Variants in DTNA observed in about 807,000 individuals in gnomAD.
The protein encoded by DTNA is dystrobrevin alpha.
DTNA carries 43 observed loss-of-function variants against 100.7 expected under a neutral mutation model. The ratio of observed to expected loss-of-function variants is 0.43; its 90% CI spans 0.33 to 0.55. DTNA has a LOEUF of 0.55. Ranked by LOEUF, DTNA falls within the 20% of genes least tolerant of loss-of-function variation. The probability of loss-of-function intolerance (pLI) is 0.04; values close to 1 mark genes in which losing one functional copy is unlikely to be tolerated. For missense variants in DTNA, 798 were observed against 953.9 expected (o/e 0.84, Z 2.15); for synonymous variants, 349 against 347.9 (o/e 1.00, Z -0.04).
chr18:34,748,638 G>A (rs1216901177), intron 1 of DTNA, among the ~76,000 whole-genome samples: 1 of 152,098 alleles, frequency 6.6e-6, no homozygotes, highest in East Asian at 1.9e-4. Context: ...TCATTTCTGA[G>A]TTCTCTATTC....
At chr18:34,839,991 T>C (rs1325064695) in intron 13 of DTNA, among the ~76,000 whole-genome samples, 4 of 152,166 alleles carry the variant, frequency 2.6e-5, no homozygotes, top group African/African-American at 9.7e-5. Context: ...ACCTCTTTCC[T>C]CCTCACTTGA....
intron 1 of DTNA, among the ~76,000 whole-genome samples, chr18:34,665,300 T>A (rs1361770881): frequency 6.6e-6 from 1 of 152,156 alleles, no homozygotes; most frequent in Non-Finnish European, 1.5e-5. Flanking sequence ...AAGAATCTGA[T>A]TTTCATGCTA....
chr18:34,571,873 G>A (rs577701432), intron 1 of DTNA, among the ~76,000 whole-genome samples: 15 of 152,196 alleles, frequency 9.9e-5, no homozygotes, highest in African/African-American at 3.4e-4. Flanking sequence ...AAATTGAATA[G>A]GTATCAAGAA....
At chr18:34,805,143 G>C (rs555473805) in intron 4 of DTNA, among the ~76,000 whole-genome samples, 129 of 152,268 alleles carry the variant, frequency 8.5e-4, no homozygotes, top group African/African-American at 3.0e-3. Flanking sequence ...TACAGTTTCT[G>C]ATTCCAAAGT....
chr18:34,778,458 A>G (rs552943435), intron 3 of DTNA, among the ~76,000 whole-genome samples: 3 of 152,216 alleles, frequency 2.0e-5, no homozygotes, highest in African/African-American at 2.4e-5. Context: ...TAAAATGTAC[A>G]TAACATTTTA....
chr18:34,510,171 G>A (rs185515516), intron 1 of DTNA, among the ~76,000 whole-genome samples: 120 of 150,820 alleles, frequency 8.0e-4, no homozygotes, highest in African/African-American at 2.6e-3. Flanking sequence ...AGATATCAGC[G>A]TTTCACTTCT....
Position 34,890,121 on chromosome 18 carries a change from T to C in DTNA, c.*2387T>C, listed in dbSNP as rs1208547573. The stretch of plus-strand genomic sequence containing the variant: ...GTTTCTTTGTGTTTCTACATCAAAA[T>C]GTTCGTCTAAGATTTGAACTGTTCT... On this transcript the variant is annotated 3_prime_UTR_variant, in exon 23 of 23. Coordinates refer to ENST00000444659, the MANE Select transcript of DTNA (RefSeq NM_001386795.1). 1 of 1,403,550 alleles carries C rather than the reference T, an allele frequency of 7.1e-7. No homozygotes were observed. Among genetic ancestry groups the C allele is most frequent in the East Asian group, 2.5e-5 (1 of 39,266 alleles). The allele number at this position is 1,403,550 out of a possible 1,614,324, so 86.9% of individuals were successfully genotyped here. A position where few individuals can be genotyped will look rare whatever the true frequency, so the allele number is the denominator to read the frequency against.
At chr18:34,619,633 A>G (rs2056056746) in intron 1 of DTNA, among the ~76,000 whole-genome samples, 1 of 152,130 alleles carries the variant, frequency 6.6e-6, no homozygotes, top group South Asian at 2.1e-4. Context: ...ATGGATGGTA[A>G]TGTCATCCAC....
intron 3 of DTNA, among the ~76,000 whole-genome samples, chr18:34,772,282 C>G (rs561877644): frequency 6.0e-4 from 91 of 152,210 alleles, no homozygotes; most frequent in South Asian, 1.9e-3. Context: ...TACTCTTTTT[C>G]TAGTAATTGA....
At chr18:34,781,447 T>A (rs2094317085) in intron 3 of DTNA, among the ~76,000 whole-genome samples, 1 of 152,218 alleles carries the variant, frequency 6.6e-6, no homozygotes, top group Admixed American at 6.5e-5. Context: ...TTATTAACTT[T>A]AGTCACCATG....
At position 34,646,214 on chromosome 18, in the gene DTNA, G is replaced by A. The variant is rs569484904; in HGVS notation, c.-1-109762G>A. Among the ~76,000 whole-genome samples the A allele has an allele frequency of 6.6e-5, 10 of 152,144 alleles. No homozygotes were observed. In the South Asian group the frequency reaches 2.1e-3, roughly 32 times the overall value. ...CTCATTAGATGATGAAAATCACAGTGAAAAACTGGACACATTACTTAAATT... is the reference window on the plus strand; with the variant it reads ...CTCATTAGATGATGAAAATCACAGTAAAAAACTGGACACATTACTTAAATT... On this transcript the variant is annotated intron_variant, in intron 1 of 19. Coordinates refer to the DTNA transcript ENST00000283365.
intron 1 of DTNA, among the ~76,000 whole-genome samples, chr18:34,696,520 G>A (rs1391979364): frequency 7.2e-5 from 11 of 152,218 alleles, no homozygotes; most frequent in Non-Finnish European, 1.5e-4. Flanking sequence ...GGAGGTTGCA[G>A]TGAGCCAAGA....
At chr18:34,797,816 A>G (rs2095046079) in intron 4 of DTNA, among the ~76,000 whole-genome samples, 1 of 152,104 alleles carries the variant, frequency 6.6e-6, no homozygotes, top group South Asian at 2.1e-4. Flanking sequence ...CTTGCACCTG[A>G]TTCTGCTATT....
At chr18:34,718,997 T>C (rs775009813) in intron 1 of DTNA, among the ~76,000 whole-genome samples, 1 of 152,140 alleles carries the variant, frequency 6.6e-6, no homozygotes, top group Non-Finnish European at 1.5e-5. Context: ...CCCTTTTTTT[T>C]TGGAGAACAG....
At chr18:34,540,914 G>A (rs1251937377) in intron 1 of DTNA, among the ~76,000 whole-genome samples, 1 of 151,986 alleles carries the variant, frequency 6.6e-6, no homozygotes, top group Non-Finnish European at 1.5e-5. Context: ...GTTCCTTGAA[G>A]GTAGGGTTTT....
At chr18:34,523,363 C>A (rs945049316) in intron 1 of DTNA, among the ~76,000 whole-genome samples, 38 of 152,114 alleles carry the variant, frequency 2.5e-4, no homozygotes, top group Middle Eastern at 3.2e-3. Flanking sequence ...GTAGCACAGG[C>A]AAAAACATTT....
At chr18:34,761,793 T>A (rs1324024020) in intron 2 of DTNA, among the ~76,000 whole-genome samples, 2 of 152,234 alleles carry the variant, frequency 1.3e-5, no homozygotes, top group Non-Finnish European at 2.9e-5. Context: ...CTTAATTATG[T>A]ATGCCATCCC....
At chr18:34,589,886 T>G (rs372137031) in intron 1 of DTNA, among the ~76,000 whole-genome samples, 5 of 152,332 alleles carry the variant, frequency 3.3e-5, no homozygotes, top group Admixed American at 6.5e-5. Flanking sequence ...CCTGGCTTAT[T>G]TCACTTGGCA....
intron 1 of DTNA, among the ~76,000 whole-genome samples, chr18:34,648,896 A>C (rs777866841): frequency 4.9e-4 from 75 of 152,208 alleles, no homozygotes; most frequent in Non-Finnish European, 9.8e-4. Context: ...ATTAACTTTA[A>C]AATATTTTTG....
Sources: gnomAD v4.1 joint callset for allele counts (sites outside exome capture counted in the v4.1 genomes callset) on GRCh38, gnomAD v4.1.1 for gene constraint, MANE v1.5 for transcripts, NCBI Gene and HGNC (gene_info 2026-07-23, HGNC 2026-07-21) for gene names.